GGA2: variants seen among roughly 807,000 people sequenced by gnomAD.
The protein encoded by GGA2 is golgi associated, gamma adaptin ear containing, ARF binding protein 2.
In GGA2, 48 loss-of-function variants were observed where a neutral mutation model predicts 79.5. The observed-to-expected ratio is 0.60, with a 90% CI of 0.48 to 0.77. The LOEUF is 0.77. Among genes scored for constraint, GGA2 ranks in the 30% least tolerant of loss-of-function variants. GGA2 has a pLI of 0.00. For missense variants in GGA2, 770 were observed against 774.0 expected (o/e 0.99, Z 0.06); for synonymous variants, 317 against 302.0 (o/e 1.05, Z -0.51).
chr16:23,473,098 T>G (rs989583630), intron 14 of GGA2, among the ~76,000 whole-genome samples: 15 of 150,174 alleles, frequency 1.0e-4, no homozygotes, highest in African/African-American at 3.4e-4. Flanking sequence ...CATATATATA[T>G]AAGTTCATTA....
intron 15 of GGA2, 31 bp downstream of exon 15, chr16:23,469,965 A>G (rs770573317): frequency 6.9e-7 from 1 of 1,446,380 alleles, no homozygotes; most frequent in Non-Finnish European, 9.2e-7. Context: ...AACGACAGCC[A>G]TTACTGAGAA....
chr16:23,478,588 A>C, intron 12 of GGA2, 87 bp from the exon 13 acceptor site: 2 of 1,329,414 alleles, frequency 1.5e-6, no homozygotes, highest in Non-Finnish European at 2.2e-6. Context: ...TCCTGAGCCC[A>C]CCCAAGCTGC....
intron 8 of GGA2, among the ~76,000 whole-genome samples, chr16:23,483,882 G>A (rs1409112985): frequency 6.6e-6 from 1 of 150,976 alleles, no homozygotes; most frequent in African/African-American, 2.4e-5. Context: ...CCTGAACTCA[G>A]GTCATCCGCC....
At chr16:23,485,723 G>C (rs75706480) in intron 8 of GGA2, among the ~76,000 whole-genome samples, 2 of 152,172 alleles carry the variant, frequency 1.3e-5, no homozygotes, top group Non-Finnish European at 2.9e-5. Flanking sequence ...TGGATCTCGA[G>C]TGAGATCCAG....
chr16:23,493,277 G>A, intron 4 of GGA2, 83 bp downstream of exon 4: 5 of 835,576 alleles, frequency 6.0e-6, no homozygotes, highest in Non-Finnish European at 1.1e-5. Flanking sequence ...GCGTGGGCCT[G>A]CCTCTGGCCT....
chr16:23,478,393 A>T lies in GGA2; in HGVS notation c.1267T>A (p.Ser423Thr). ...AGAGGGCACGGAGCTGGCTGTGCTG[A>T]GAGGAGGTCCAGCAAATTCCTGTCT... ...SADRNLLDLL[S>T]AQPAPCPLNY... Residue 423 changes from serine to threonine, a missense_variant, in exon 13 of 17, where the codon TCA (serine) becomes ACA (threonine). Transcript: ENST00000309859. 6.2e-7 allele frequency: 1 copy of T among 1,608,436 alleles called. No individual in the cohort carries two copies. The highest frequency in any genetic ancestry group is 1.3e-5 in the African/African-American group (1 of 74,914).
chr16:23,512,762 T>C (rs1248340269), upstream of GGA2, among the ~76,000 whole-genome samples: 2 of 130,018 alleles, frequency 1.5e-5, no homozygotes, highest in Non-Finnish European at 3.1e-5. Flanking sequence ...TGGAGTGCAA[T>C]GGTGCAATCT....
intron 10 of GGA2, 142 bp downstream of exon 10, chr16:23,480,503 T>C (rs1044273881): frequency 1.0e-5 from 7 of 697,102 alleles, no homozygotes; most frequent in African/African-American, 1.8e-5. Flanking sequence ...TGGCAACATA[T>C]CCACTTTCAC....
At chr16:23,506,733 C>T (rs1027004781) in intron 1 of GGA2, among the ~76,000 whole-genome samples, 5 of 152,214 alleles carry the variant, frequency 3.3e-5, no homozygotes, top group East Asian at 1.9e-4. Context: ...CACTCCCCAA[C>T]GCTTCCCCAC....
chr16:23,483,059 C>G (rs1596983375), intron 8 of GGA2, 55 bp from the exon 9 acceptor site: 14 of 1,115,958 alleles, frequency 1.3e-5, no homozygotes, highest in South Asian at 8.8e-5. Flanking sequence ...ATAACGCCCC[C>G]CTCCAGGGCC....
intron 1 of GGA2, among the ~76,000 whole-genome samples, chr16:23,503,177 G>A (rs1964938556): frequency 6.6e-6 from 1 of 152,178 alleles, no homozygotes; most frequent in South Asian, 2.1e-4. Flanking sequence ...CAATACAGTG[G>A]TTTGGAATAT....
rs1226026416 is a variant in GGA2, at chr16:23,491,626, A to G, written c.475+51T>C. On this transcript the variant is annotated intron_variant, in intron 5 of 16. Transcript: ENST00000309859. ...ATTATAAGGCAGATGAAAAAGCAAG[A>G]AGATACAGGCCTAGTCAAGAGGAAA... 9 of 1,577,044 alleles carry G rather than the reference A, an allele frequency of 5.7e-6. No homozygotes were observed. The South Asian group carries it at 1.0e-4, about 18-fold the overall frequency.
chr16:23,467,569 A>T lies in GGA2; in HGVS notation c.*21T>A, dbSNP rs1265972009. ...GTAACGCCAGCCTAAGCTTGAAATG[A>T]AGGGTCCATCTTGTGAAAAGTTAGG... On this transcript the variant is annotated 3_prime_UTR_variant, in exon 17 of 17. Coordinates refer to ENST00000309859, the MANE Select transcript of GGA2 (RefSeq NM_015044.4). 8.6e-7 allele frequency: 1 copy of T among 1,161,438 alleles called. No individual in the cohort carries two copies. The highest frequency in any genetic ancestry group is 1.5e-5 in the African/African-American group (1 of 66,450). 71.9% of individuals were successfully genotyped at this position (1,161,438 alleles called of 1,614,324 possible).
upstream of GGA2, among the ~76,000 whole-genome samples, chr16:23,513,783 C>CA (rs754377361): frequency 0.072 from 3,307 of 46,140 alleles, 87 homozygotes; most frequent in Admixed American, 0.14. Flanking sequence ...GACTCTGTCT[C>CA]AAAAAAAAAA....
rs998356511 is a variant in GGA2 at position 23,463,665 on chromosome 16, G to A, written c.*3925C>T. On this transcript the variant is annotated 3_prime_UTR_variant, in exon 17 of 17. Coordinates refer to ENST00000309859, the MANE Select transcript of GGA2 (RefSeq NM_015044.4). ...CAGATGTGCACACAAACATCTTGGT[G>A]CATCGCTTGGCTTTAAAACAAACTG... The A allele has an allele frequency of 6.6e-6, 1 of 152,188 alleles. No homozygotes were observed. The highest frequency in any genetic ancestry group is 1.5e-5 in the Non-Finnish European group (1 of 68,042). 9.4% of individuals were successfully genotyped at this position (152,188 alleles called of 1,614,324 possible). A position where few individuals can be genotyped will look rare whatever the true frequency, so the allele number is the denominator to read the frequency against.
chr16:23,480,756 C>T lies in GGA2; in HGVS notation c.895G>A (p.Ala299Thr), dbSNP rs750586806. ...DDDALAEILQ[A>T]NDLLTQGVLL... The stretch of plus-strand genomic sequence containing the variant: ...ACTCCTTGGGTGAGGAGGTCATTTG[C>T]CTGGAGAATTTCCGCTGAAGAATGA... Residue 299 changes from alanine to threonine, a missense_variant, in exon 10 of 17, where the codon GCA (alanine) becomes ACA (threonine). Ala to Thr is a moderately conservative substitution (Grantham distance 58, BLOSUM62 0). Coordinates refer to ENST00000309859, the MANE Select transcript of GGA2 (RefSeq NM_015044.4). 1 of 1,609,034 alleles carries T rather than the reference C, an allele frequency of 6.2e-7. No individual in the cohort carries two copies. The highest frequency in any genetic ancestry group is 8.5e-7 in the Non-Finnish European group (1 of 1,175,696).
At chr16:23,478,647 G>T in intron 12 of GGA2, 146 bp from the exon 13 acceptor site, 1 of 830,218 alleles carries the variant, frequency 1.2e-6, no homozygotes, top group Non-Finnish European at 2.0e-6. Flanking sequence ...GAAAGAAAGG[G>T]CAAGATCACA....
rs74012181 is a variant in GGA2, at chr16:23,492,547, G to A, written c.352-747C>T. 5.7e-3 allele frequency among the ~76,000 whole-genome samples: 873 copies of A among 152,300 alleles called. 14 individuals are homozygous for A. Among genetic ancestry groups the A allele is most frequent in the African/African-American group, 0.02 (828 of 41,566 alleles). On this transcript the variant is annotated intron_variant, in intron 4 of 16. Transcript: ENST00000309859. ...CAGAGAGCCTCTCAGTTGAACCTAC[G>A]TTGGGAGGATGGCAAGCTCAGAGTC...
intron 1 of GGA2, chr16:23,501,242 C>A: frequency 2.2e-6 from 1 of 451,534 alleles, no homozygotes; most frequent in East Asian, 7.0e-5. Flanking sequence ...GTACATCGAA[C>A]GACTTTTAAC....
Sources: gnomAD v4.1 joint callset for allele counts (sites outside exome capture counted in the v4.1 genomes callset) on GRCh38, gnomAD v4.1.1 for gene constraint, MANE v1.5 for transcripts, NCBI Gene and HGNC (gene_info 2026-07-23, HGNC 2026-07-21) for gene names.